ANXA8: variants seen among roughly 807,000 people sequenced by gnomAD.
ANXA8 encodes annexin A8.
Under a neutral mutation model 26.8 loss-of-function variants are expected in ANXA8, and 9 were observed. That is an observed-to-expected ratio of 0.34 (90% CI 0.20 to 0.59). ANXA8 has a LOEUF of 0.59. ANXA8 is among the 20% of genes least tolerant of loss of function. The pLI, the probability that ANXA8 is intolerant of heterozygous loss-of-function variation, is 0.84. For missense variants in ANXA8, 83 were observed against 238.5 expected (o/e 0.35, Z 4.29); for synonymous variants, 39 against 94.8 (o/e 0.41, Z 3.42).
the ANXA8 span, among the ~76,000 whole-genome samples, chr10:47,748,560 C>G: frequency 2.0e-5 from 3 of 152,134 alleles, no homozygotes; most frequent in Non-Finnish European, 4.4e-5. Context: ...AAGGAAAAAA[C>G]ATTAAAAGCA....
chr10:47,497,231 A>G, the ANXA8 span, among the ~76,000 whole-genome samples: 1 of 139,398 alleles, frequency 7.2e-6, no homozygotes, highest in African/African-American at 2.7e-5. Context: ...GAGGAAAGAG[A>G]ATTGCTTGAA....
chr10:47,569,753 T>C, the ANXA8 span: 1 of 83,416 alleles, frequency 1.2e-5, no homozygotes, highest in Non-Finnish European at 2.6e-5. Context: ...AAATCTTTTT[T>C]TTTTTTTTTT....
At chr10:47,655,402 A>T in the ANXA8 span, among the ~76,000 whole-genome samples, 2 of 151,694 alleles carry the variant, frequency 1.3e-5, no homozygotes, top group Non-Finnish European at 2.9e-5. Flanking sequence ...GGGTGAGCAC[A>T]CAATTGAACA....
the ANXA8 span, among the ~76,000 whole-genome samples, chr10:47,561,087 T>C: frequency 1.3e-5 from 2 of 151,932 alleles, no homozygotes; most frequent in Non-Finnish European, 1.5e-5. Flanking sequence ...ATTTTTTAAA[T>C]TGTAAATTGA....
At chr10:47,689,398 G>A in the ANXA8 span, among the ~76,000 whole-genome samples, 136 of 151,884 alleles carry the variant, frequency 9.0e-4, 2 homozygotes, top group African/African-American at 3.1e-3. Context: ...GGATGGTCTC[G>A]ATCTCCTGAC....
the ANXA8 span, among the ~76,000 whole-genome samples, chr10:47,726,677 A>G: frequency 6.6e-6 from 1 of 152,304 alleles, no homozygotes; most frequent in African/African-American, 2.4e-5. Flanking sequence ...GGAAAAAAAA[A>G]CCTTTTTTTC....
At chr10:47,485,848 C>T (rs1459929865), upstream of ANXA8, among the ~76,000 whole-genome samples, 10 of 152,004 alleles carry the variant, frequency 6.6e-5, no homozygotes, top group South Asian at 6.2e-4. Flanking sequence ...GTGGCTCACG[C>T]CTGTAATCCC....
chr10:47,572,785 A>G, the ANXA8 span, among the ~76,000 whole-genome samples: 1 of 149,814 alleles, frequency 6.7e-6, no homozygotes, highest in Non-Finnish European at 1.5e-5. Flanking sequence ...TAATCTGTGC[A>G]TCCCAATACA....
At chr10:47,561,212 A>G in the ANXA8 span, among the ~76,000 whole-genome samples, 16 of 151,994 alleles carry the variant, frequency 1.1e-4, no homozygotes, top group Admixed American at 8.5e-4. Context: ...AATTGCAAAT[A>G]ATTATCATTT....
At chr10:47,639,902 C>T in the ANXA8 span, among the ~76,000 whole-genome samples, 6 of 145,580 alleles carry the variant, frequency 4.1e-5, no homozygotes, top group East Asian at 2.1e-4. Context: ...CTCAGCCTCC[C>T]GAGTAGCTGG....
the ANXA8 span, among the ~76,000 whole-genome samples, chr10:47,748,415 G>A: frequency 6.6e-6 from 1 of 151,690 alleles, no homozygotes; most frequent in East Asian, 2.0e-4. Context: ...GTTTCACCAT[G>A]TTGGCCAGGT....
the ANXA8 span, among the ~76,000 whole-genome samples, chr10:47,653,985 T>C: frequency 6.6e-6 from 1 of 151,030 alleles, no homozygotes; most frequent in East Asian, 1.9e-4. Flanking sequence ...TAGGAACACC[T>C]AGGGATAGAG....
At chr10:47,595,984 A>C in the ANXA8 span, among the ~76,000 whole-genome samples, 1 of 148,232 alleles carries the variant, frequency 6.7e-6, no homozygotes, top group Non-Finnish European at 1.5e-5. Flanking sequence ...TTCACATGGA[A>C]CATACTCTAA....
At chr10:47,511,441 G>A in the ANXA8 span, among the ~76,000 whole-genome samples, 243 of 132,440 alleles carry the variant, frequency 1.8e-3, 7 homozygotes, top group African/African-American at 6.5e-3. Flanking sequence ...CCACCAACAA[G>A]TGAGGAAGCC....
the ANXA8 span, among the ~76,000 whole-genome samples, chr10:47,506,830 G>A: frequency 3.6e-5 from 5 of 138,808 alleles, no homozygotes; most frequent in South Asian, 2.4e-4. Context: ...TAGTAGAGAC[G>A]GGGTTTCGCC....
At chr10:47,502,698 G>A in the ANXA8 span, 1 of 1,608,312 alleles carries the variant, frequency 6.2e-7, no homozygotes, top group Non-Finnish European at 8.5e-7. Context: ...CCACACAGTG[G>A]GCGTTCCCAC....
At chr10:47,975,219 C>T in the ANXA8 span, among the ~76,000 whole-genome samples, 1 of 149,514 alleles carries the variant, frequency 6.7e-6, no homozygotes, top group South Asian at 2.1e-4. Context: ...GTGGTGGCTG[C>T]TTTAAAAACT....
the ANXA8 span, among the ~76,000 whole-genome samples, chr10:47,944,505 C>T: frequency 6.7e-6 from 1 of 150,258 alleles, no homozygotes; most frequent in East Asian, 2.1e-4. Context: ...GTGTCTCCAT[C>T]CAAATGTCAT....
the ANXA8 span, among the ~76,000 whole-genome samples, chr10:47,566,202 G>C: frequency 2.4e-3 from 364 of 152,034 alleles, 1 homozygote; most frequent in Non-Finnish European, 3.9e-3. Context: ...GGTGGTCCTC[G>C]AGCTCTATTT....
Sources: gnomAD v4.1 joint callset for allele counts (sites outside exome capture counted in the v4.1 genomes callset) on GRCh38, gnomAD v4.1.1 for gene constraint, MANE v1.5 for transcripts, NCBI Gene and HGNC (gene_info 2026-07-23, HGNC 2026-07-21) for gene names.